The following PACRG variants were observed in gnomAD, a reference collection of about 807,000 sequenced individuals.
The protein encoded by PACRG is parkin coregulated.
PACRG carries 29 observed loss-of-function variants against 29.7 expected under a neutral mutation model. The ratio of observed to expected loss-of-function variants is 0.98; its 90% confidence interval spans 0.73 to 1.33. The LOEUF is 1.33. Among genes scored for constraint, PACRG ranks in the 40% most tolerant of loss-of-function variants. The probability of loss-of-function intolerance (pLI) is 0.00; values close to 1 mark genes in which losing one functional copy is unlikely to be tolerated. For missense variants in PACRG, 279 were observed against 316.2 expected, an observed-to-expected ratio of 0.88 and a Z score of 0.89; for synonymous variants, 116 against 118.7, an observed-to-expected ratio of 0.98 and a Z score of 0.15.
In PACRG at chr6:162,797,308, A is replaced by G. The variant is rs1020634260; in HGVS notation, c.157-16839A>G. 5.9e-5 allele frequency among the ~76,000 whole-genome samples: 9 copies of G among 152,078 alleles called. 1 individual carries two copies. Among genetic ancestry groups the G allele is most frequent in the African/African-American group, 2.2e-4 (9 of 41,422 alleles). ...CAAAAAAAACAACAACAACAGAAAA[A>G]AACCTATTTATCTGTAGATTTTATA... On this transcript the variant is annotated intron_variant, in intron 1 of 4. Transcript: ENST00000366888.
chr6:163,152,657 G>A (rs1388381658), intron 4 of PACRG, among the ~76,000 whole-genome samples: 4 of 152,180 alleles, frequency 2.6e-5, no homozygotes, highest in African/African-American at 7.2e-5. Flanking sequence ...TCTTACAAGA[G>A]CACTTCAAGA....
At chr6:163,278,378 T>C (rs946560256) in intron 4 of PACRG, among the ~76,000 whole-genome samples, 18 of 152,238 alleles carry the variant, frequency 1.2e-4, no homozygotes, top group African/African-American at 4.3e-4. Context: ...TTGAATTTGC[T>C]TTTGGGTTCT....
intron 1 of PACRG, among the ~76,000 whole-genome samples, chr6:162,788,936 C>A (rs1239757089): frequency 6.6e-6 from 1 of 151,762 alleles, no homozygotes; most frequent in Non-Finnish European, 1.5e-5. Context: ...TAAATATTTT[C>A]TTCCAGTCCG....
chr6:163,157,122 C>A (rs1778357522), intron 4 of PACRG, among the ~76,000 whole-genome samples: 1 of 152,200 alleles, frequency 6.6e-6, no homozygotes, highest in South Asian at 2.1e-4. Flanking sequence ...CATCTCTTCT[C>A]CTACTGACAA....
intron 4 of PACRG, among the ~76,000 whole-genome samples, chr6:163,249,434 G>A (rs960165152): frequency 5.3e-5 from 8 of 152,244 alleles, no homozygotes; most frequent in Non-Finnish European, 7.4e-5. Context: ...CAAAATAGCC[G>A]GCTGGCAAGT....
chr6:163,052,772 T>C lies in PACRG; in HGVS notation c.292-9378T>C, dbSNP rs573289269. Among the ~76,000 whole-genome samples, 241 of 152,332 alleles carry C rather than the reference T, an allele frequency of 1.6e-3. 1 individual carries two copies. The highest frequency in any genetic ancestry group is 5.7e-3 in the African/African-American group (237 of 41,564). On this transcript the variant is annotated intron_variant, in intron 2 of 4. Transcript: ENST00000366888. ...CTGTGTTTCTGATGTTTCAATATAGTATCACTGTCTTACACATTTGTTATG... is the reference window on the plus strand; with the variant it reads ...CTGTGTTTCTGATGTTTCAATATAGCATCACTGTCTTACACATTTGTTATG...
chr6:162,728,116 G>A lies in PACRG; in HGVS notation c.-120G>A. On this transcript the variant is annotated 5_prime_UTR_variant, in exon 1 of 5. Coordinates refer to ENST00000366888, the MANE Select transcript of PACRG (RefSeq NM_001080379.2). The stretch of plus-strand genomic sequence containing the variant: ...TGGATCAACCTGGGCACTACGAGGG[G>A]TTGAATTTCTACCATTATCGCGCCT... The A allele has an allele frequency of 8.0e-7, 1 of 1,246,106 alleles. No homozygotes were observed. The highest frequency in any genetic ancestry group is 2.0e-5 in the Admixed American group (1 of 49,094). 77.2% of individuals were successfully genotyped at this position (1,246,106 alleles called of 1,614,324 possible).
At chr6:162,863,272 G>GT (rs1346243102) in intron 2 of PACRG, among the ~76,000 whole-genome samples, 1 of 152,178 alleles carries the variant, frequency 6.6e-6, no homozygotes, top group Non-Finnish European at 1.5e-5. Flanking sequence ...CTGGGTCTTG[G>GT]TTTCCCCCAT....
chr6:163,087,159 GA>G (rs1380825397), intron 3 of PACRG, among the ~76,000 whole-genome samples: 1 of 152,182 alleles, frequency 6.6e-6, no homozygotes, highest in Non-Finnish European at 1.5e-5. Flanking sequence ...CCAAGGATCA[GA>G]ACCAGAGGAG....
intron 1 of PACRG, among the ~76,000 whole-genome samples, chr6:162,735,727 T>A (rs949450198): frequency 2.6e-5 from 4 of 152,202 alleles, no homozygotes; most frequent in African/African-American, 9.6e-5. Flanking sequence ...ATGGCTTTTA[T>A]TGCTCTTTTT....
chr6:163,017,444 A>C (rs1806213867), intron 2 of PACRG, among the ~76,000 whole-genome samples: 1 of 152,138 alleles, frequency 6.6e-6, no homozygotes, highest in African/African-American at 2.4e-5. Context: ...AAATATTACG[A>C]ATCTCTTTTG....
chr6:163,217,011 A>G (rs932639842), intron 4 of PACRG, among the ~76,000 whole-genome samples: 1 of 152,204 alleles, frequency 6.6e-6, no homozygotes, highest in African/African-American at 2.4e-5. Context: ...TGAAATACCC[A>G]CAAGCATTCC....
intron 4 of PACRG, among the ~76,000 whole-genome samples, chr6:163,091,156 T>G (rs1814075528): frequency 6.6e-6 from 1 of 152,234 alleles, no homozygotes; most frequent in African/African-American, 2.4e-5. Flanking sequence ...TATCCCTGTA[T>G]AAAAGTAGAA....
intron 4 of PACRG, among the ~76,000 whole-genome samples, chr6:163,202,536 T>A (rs1419714861): frequency 6.6e-6 from 1 of 152,130 alleles, no homozygotes; most frequent in Non-Finnish European, 1.5e-5. Context: ...CCAGCAGTAA[T>A]AGAACAAGCT....
chr6:163,274,494 G>A (rs1000065964), intron 4 of PACRG, among the ~76,000 whole-genome samples: 6 of 152,082 alleles, frequency 3.9e-5, no homozygotes, highest in Non-Finnish European at 7.4e-5. Flanking sequence ...ATAAACATAC[G>A]TGTGCATGTC....
chr6:163,162,659 G>A (rs748750539), intron 4 of PACRG, among the ~76,000 whole-genome samples: 3 of 152,190 alleles, frequency 2.0e-5, no homozygotes, highest in African/African-American at 4.8e-5. Flanking sequence ...GGATTCAAGT[G>A]TCACATCTGG....
chr6:163,222,383 C>T (rs1432405724), intron 4 of PACRG, among the ~76,000 whole-genome samples: 1 of 152,134 alleles, frequency 6.6e-6, no homozygotes, highest in African/African-American at 2.4e-5. Context: ...CGTTCGAAAC[C>T]AGCCTGGCCA....
intron 2 of PACRG, among the ~76,000 whole-genome samples, chr6:162,913,711 T>C (rs1164225689): frequency 6.6e-6 from 1 of 152,196 alleles, no homozygotes; most frequent in Non-Finnish European, 1.5e-5. Context: ...CTCTACATCC[T>C]CACCAACCAC....
chr6:162,768,079 A>G (rs971515708), intron 1 of PACRG, among the ~76,000 whole-genome samples: 2 of 151,982 alleles, frequency 1.3e-5, no homozygotes, highest in African/African-American at 4.8e-5. Context: ...GCATACCATT[A>G]TTTTTGCATC....
Sources: gnomAD v4.1 joint callset for allele counts (sites outside exome capture counted in the v4.1 genomes callset) on GRCh38, gnomAD v4.1.1 for gene constraint, MANE v1.5 for transcripts, NCBI Gene and HGNC (gene_info 2026-07-23, HGNC 2026-07-21) for gene names.